Variants in PAPPA observed in about 807,000 individuals in gnomAD.
PAPPA encodes the protein pappalysin 1, also known as pappalysin-1.
A neutral mutation model predicts 164.0 loss-of-function variants in PAPPA; 60 were observed. That is an observed-to-expected ratio of 0.37 (90% CI 0.30 to 0.45). PAPPA has a LOEUF of 0.45. PAPPA is among the 20% of genes least tolerant of loss of function. PAPPA has a pLI of 1.00. For missense variants in PAPPA, 1,782 were observed against 2,087.3 expected (o/e 0.85, Z 2.85); for synonymous variants, 875 against 814.1 (o/e 1.07, Z -1.27).
intron 10 of PAPPA, among the ~76,000 whole-genome samples, chr9:116,327,300 A>C (rs1263846319): frequency 6.6e-6 from 1 of 152,166 alleles, no homozygotes; most frequent in Non-Finnish European, 1.5e-5. Flanking sequence ...CCTTGGCATC[A>C]CTGGAAGGAT....
intron 7 of PAPPA, among the ~76,000 whole-genome samples, chr9:116,249,145 C>A (rs780494536): frequency 3.9e-5 from 6 of 152,198 alleles, no homozygotes; most frequent in Non-Finnish European, 5.9e-5. Flanking sequence ...GGAGCTTAGT[C>A]TACTTAATGT....
rs773605346 is a variant in PAPPA at position 116,352,791 on chromosome 9, C to A, written c.4050C>A (p.Pro1350=). The A allele has an allele frequency of 6.2e-7, 1 of 1,614,022 alleles. No individual in the cohort carries two copies. The highest frequency in any genetic ancestry group is 8.5e-7 in the Non-Finnish European group (1 of 1,179,972). ...ALCELMCLAP[P]PVPNADLQTA... ...GTGAGCTCATGTGCCTCGCTCCACC[C>A]CCTGTGCCCAATGCAGACCTCCAGA... Residue 1350 remains proline, a synonymous_variant, in exon 16 of 22, where the codon CCC becomes CCA. Coordinates refer to ENST00000328252, the MANE Select transcript of PAPPA (RefSeq NM_002581.5).
intron 4 of PAPPA, among the ~76,000 whole-genome samples, chr9:116,214,728 C>T (rs1271817462): frequency 2.0e-5 from 3 of 152,114 alleles, no homozygotes; most frequent in African/African-American, 4.8e-5. Flanking sequence ...TAATAGGCTA[C>T]AAGAGTTCCT....
chr9:116,278,200 T>G (rs942126312), intron 9 of PAPPA, among the ~76,000 whole-genome samples: 4 of 152,226 alleles, frequency 2.6e-5, no homozygotes, highest in African/African-American at 7.2e-5. Flanking sequence ...GTTTTTCTGC[T>G]AAGAACTCTT....
At chr9:116,392,285 A>T (rs1846903563) in intron 21 of PAPPA, among the ~76,000 whole-genome samples, 1 of 152,154 alleles carries the variant, frequency 6.6e-6, no homozygotes, top group Admixed American at 6.5e-5. Context: ...TTTTACTCTC[A>T]CTTGCTGAAA....
chr9:116,189,069 T>G (rs1469310620), intron 2 of PAPPA, among the ~76,000 whole-genome samples: 1 of 152,182 alleles, frequency 6.6e-6, no homozygotes, highest in Non-Finnish European at 1.5e-5. Context: ...GAAGCCTTCT[T>G]GAGAGAGGTG....
In PAPPA at chr9:116,362,633, C is replaced by A; in HGVS notation, c.4389C>A (p.Thr1463=). The A allele has an allele frequency of 1.9e-6, 3 of 1,614,094 alleles. No homozygotes were observed. Among genetic ancestry groups the A allele is most frequent in the Non-Finnish European group, 2.5e-6 (3 of 1,179,968 alleles). The part of the protein sequence containing the change: ...SNVIHCRKDG[T]WNGSFHVCQE... ...TCATTCATTGCCGGAAAGATGGCAC[C>A]TGGAACGGCTCCTTCCATGTCTGCC... The change falls in exon 18 of 22, where the codon ACC becomes ACA. Residue 1463 remains threonine, a synonymous_variant. Coordinates refer to ENST00000328252, the MANE Select transcript of PAPPA (RefSeq NM_002581.5).
intron 5 of PAPPA, among the ~76,000 whole-genome samples, chr9:116,226,975 C>T (rs1330443285): frequency 6.6e-6 from 1 of 152,160 alleles, no homozygotes; most frequent in African/African-American, 2.4e-5. Flanking sequence ...GGAACCATGC[C>T]ATCTTCATAT....
chr9:116,352,951 T>C, intron 16 of PAPPA, 35 bp downstream of exon 16: 1 of 1,532,488 alleles, frequency 6.5e-7, no homozygotes, highest in Non-Finnish European at 9.0e-7. Context: ...TTATGGTCTC[T>C]GGGAGGACAA....
At chr9:116,181,747 G>A (rs1414254102) in intron 1 of PAPPA, among the ~76,000 whole-genome samples, 1 of 152,258 alleles carries the variant, frequency 6.6e-6, no homozygotes, top group African/African-American at 2.4e-5. Flanking sequence ...AAATCCAGAT[G>A]TCGAAGGACA....
chr9:116,249,910 C>A (rs935472609), intron 7 of PAPPA, among the ~76,000 whole-genome samples: 1 of 152,098 alleles, frequency 6.6e-6, no homozygotes, highest in African/African-American at 2.4e-5. Flanking sequence ...TCAGCCACAA[C>A]ATTTCTTTCC....
chr9:116,371,333 C>A (rs1357687359), intron 19 of PAPPA, among the ~76,000 whole-genome samples: 2 of 152,162 alleles, frequency 1.3e-5, no homozygotes, highest in African/African-American at 2.4e-5. Context: ...AGGAGAATCG[C>A]TTGAACCCAG....
Position 116,188,066 on chromosome 9 carries a change from T to C in PAPPA, c.1328T>C (p.Leu443Pro). ...TGHDGGDCRH[L>P]RHPAFVKKQH... ...CACGACGGCGGGGATTGCCGCCACC[T>C]GCGCCACCCTGCCTTCGTGAAGAAG... Residue 443 changes from leucine (L) to proline (P), a missense_variant, in exon 2 of 22, where the codon CTG becomes CCG. This residue lies in a region of PAPPA where 1,324 missense variants were observed against 1,656.9 expected (regional missense o/e 0.80). Transcript: ENST00000328252. 1 of 1,614,172 alleles carries C rather than the reference T, an allele frequency of 6.2e-7. No homozygotes were observed. The highest frequency in any genetic ancestry group is 8.5e-7 in the Non-Finnish European group (1 of 1,180,024).
chr9:116,307,935 G>A (rs916234228), intron 10 of PAPPA, among the ~76,000 whole-genome samples: 1 of 152,218 alleles, frequency 6.6e-6, no homozygotes, highest in African/African-American at 2.4e-5. Context: ...AGGATGCAGA[G>A]AAAACACTCT....
Position 116,347,106 on chromosome 9 carries a change from C to G in PAPPA, c.3861C>G (p.Ile1287Met), listed in dbSNP as rs758440634. The change falls in exon 15 of 22, where the codon ATC becomes ATG. Residue 1287 changes from isoleucine (I) to methionine (M), a missense_variant. Ile to Met is a conservative substitution (Grantham distance 10, BLOSUM62 1). Transcript: ENST00000328252. The surrounding 1 kb of genome is among the most constrained non-coding windows in gnomAD (Gnocchi z 4.5). ...QVACEPVDCS[I>M]PDHHQVYAAS... ...CCTGTGAGCCAGTCGACTGCAGCAT[C>G]CCAGATCACCATCAAGTCTATGCTG... The G allele has an allele frequency of 2.5e-6, 4 of 1,614,132 alleles. No homozygotes were observed. The highest frequency in any genetic ancestry group is 1.7e-4 in the Middle Eastern group (1 of 6,060).
chr9:116,302,091 T>G (rs920280343), intron 9 of PAPPA, among the ~76,000 whole-genome samples: 10 of 152,188 alleles, frequency 6.6e-5, no homozygotes, highest in African/African-American at 2.4e-4. Flanking sequence ...TAACACACTG[T>G]GTGATCTTGG....
In PAPPA at chr9:116,399,624, A is replaced by T. The variant is rs1847019625; in HGVS notation, c.*3008A>T. The T allele has an allele frequency of 6.6e-6, 1 of 152,620 alleles. No individual in the cohort carries two copies. The allele number at this position is 152,620 out of a possible 1,614,324, so 9.5% of individuals were successfully genotyped here. On this transcript the variant is annotated 3_prime_UTR_variant, in exon 22 of 22. Transcript: ENST00000328252. ...GCAAAATATGAAAGATGAGGTGGAC[A>T]GTCCTCTAAGCCCTATTTAGGGAAG...
At chr9:116,334,145 T>C (rs896642734) in intron 12 of PAPPA, among the ~76,000 whole-genome samples, 1 of 151,758 alleles carries the variant, frequency 6.6e-6, no homozygotes, top group African/African-American at 2.4e-5. Context: ...AATTCCATCT[T>C]GCCACAGCCT....
At chr9:116,156,108 G>A (rs1843598310) in intron 1 of PAPPA, among the ~76,000 whole-genome samples, 1 of 146,352 alleles carries the variant, frequency 6.8e-6, no homozygotes. Flanking sequence ...GCTTGGAGGT[G>A]ATTTTTTTTT....
Sources: allele counts gnomAD v4.1 joint callset (sites outside exome capture counted in the v4.1 genomes callset), GRCh38; gene constraint gnomAD v4.1.1; regional missense constraint gnomAD v4.1.1; non-coding constraint Gnocchi (gnomAD v3.1); transcripts MANE v1.5; gene names NCBI Gene and HGNC (gene_info 2026-07-23, HGNC 2026-07-21).